The following PABPC1L variants were observed in gnomAD, a reference collection of about 807,000 sequenced individuals.
PABPC1L encodes polyadenylate-binding protein 1-like.
PABPC1L carries 31 observed loss-of-function variants against 66.6 expected under a neutral mutation model. The ratio of observed to expected loss-of-function variants is 0.47; its 90% CI spans 0.35 to 0.63. The LOEUF (loss-of-function observed/expected upper bound fraction) is 0.63, where lower values mean the gene tolerates loss of function less well. PABPC1L is among the 20% of genes least tolerant of loss of function. The pLI, the probability that PABPC1L is intolerant of heterozygous loss-of-function variation, is 0.00. For synonymous variants in PABPC1L, 348 were observed against 335.1 expected, an observed-to-expected ratio of 1.04 and a Z score of -0.42; for missense variants, 722 against 848.8, an observed-to-expected ratio of 0.85 and a Z score of 1.86.
chr20:44,911,832 T>C (rs770107836), intron 1 of PABPC1L, among the ~76,000 whole-genome samples: 1 of 152,150 alleles, frequency 6.6e-6, no homozygotes, highest in Non-Finnish European at 1.5e-5. Flanking sequence ...ATGATAAGAC[T>C]AGGTGGAGAA....
At position 44,939,302 on chromosome 20, in the gene PABPC1L, G is replaced by C; in HGVS notation, c.*183G>C. The C allele has an allele frequency of 1.4e-6, 1 of 693,322 alleles. No homozygotes were observed. The highest frequency in any genetic ancestry group is 2.7e-6 in the Non-Finnish European group (1 of 373,558). The allele number at this position is 693,322 out of a possible 1,614,324, so 42.9% of individuals were successfully genotyped here. On this transcript the variant is annotated 3_prime_UTR_variant, in exon 15 of 15. Coordinates refer to ENST00000217073, the MANE Select transcript of PABPC1L (RefSeq NM_001372179.1). The stretch of plus-strand genomic sequence containing the variant: ...TTACCTTTTGCTTTGTGTATTAAAA[G>C]TGCTGCAAAATCTGCCTTGCCTCCC...
intron 9 of PABPC1L, 66 bp downstream of exon 9, chr20:44,932,498 A>T: frequency 1.4e-6 from 2 of 1,425,572 alleles, no homozygotes; most frequent in Non-Finnish European, 1.9e-6. Flanking sequence ...AGGCAGTCAT[A>T]ACACAGGGAT....
intron 5 of PABPC1L, 82 bp downstream of exon 5, chr20:44,919,359 G>A: frequency 6.8e-7 from 1 of 1,470,496 alleles, no homozygotes; most frequent in African/African-American, 1.4e-5. Context: ...CCTGTGGAGG[G>A]GAAGAAAGTC....
chr20:44,932,081 G>T (rs2066864279), intron 8 of PABPC1L: 1 of 321,164 alleles, frequency 3.1e-6, no homozygotes, highest in Admixed American at 4.9e-5. Flanking sequence ...GTTGGAGTAA[G>T]ATGTCACCCT....
chr20:44,919,066 G>A (rs1474407966), intron 4 of PABPC1L, 21 bp downstream of exon 4: 7 of 1,610,802 alleles, frequency 4.3e-6, no homozygotes, highest in African/African-American at 1.3e-5. Context: ...CCCCAAGGGA[G>A]CGGGGGGATC....
intron 10 of PABPC1L, among the ~76,000 whole-genome samples, chr20:44,933,748 A>AT (rs749525367): frequency 0.12 from 14,738 of 119,442 alleles, 1,209 homozygotes; most frequent in African/African-American, 0.21. Flanking sequence ...CCCAGCCTTA[A>AT]TTTTTTTTTT....
Position 44,938,678 on chromosome 20 carries a change from A to G in PABPC1L, c.1796A>G (p.Asp599Gly), listed in dbSNP as rs750525873. The G allele has an allele frequency of 1.2e-6, 2 of 1,608,856 alleles. No individual in the cohort carries two copies. Among genetic ancestry groups the G allele is most frequent in the South Asian group, 1.1e-5 (1 of 89,662 alleles). ...CCCGCCACTCATGTCTCACAGATAG[A>G]CGAGGCAGTGGCCGTGCTGCAGGCA... Reference protein sequence around the residue: ...ESPESLHAKIDEAVAVLQAHQ... With the variant: ...ESPESLHAKIGEAVAVLQAHQ... Residue 599 changes from aspartate (D) to glycine (G), a missense_variant, in exon 14 of 15, where the codon GAC becomes GGC. Physicochemically the swap from Asp to Gly is moderately conservative, Grantham distance 94 (BLOSUM62 -1). This residue lies in a region of PABPC1L where 301 missense variants were observed against 337.2 expected (regional missense o/e 0.89). Transcript: ENST00000217073.
At chr20:44,931,025 C>T (rs1205867619) in intron 8 of PABPC1L, among the ~76,000 whole-genome samples, 438 of 40,586 alleles carry the variant, frequency 0.011, 10 homozygotes, top group African/African-American at 0.046. Context: ...TCCCTTCCCT[C>T]CCTTCCCTCC....
intron 6 of PABPC1L, among the ~76,000 whole-genome samples, chr20:44,923,723 G>A (rs2145566578): frequency 6.6e-6 from 1 of 152,300 alleles, no homozygotes; most frequent in African/African-American, 2.4e-5. Flanking sequence ...AGGTTCCTGG[G>A]CTGGCAGGGG....
chr20:44,937,904 C>G, intron 12 of PABPC1L, 157 bp from the exon 13 acceptor site: 1 of 986,928 alleles, frequency 1.0e-6, no homozygotes, highest in Non-Finnish European at 1.4e-6. Flanking sequence ...ATTAAAAGTA[C>G]CTGATGTTAG....
rs756360490 is a variant in PABPC1L at position 44,938,140 on chromosome 20, C to A, written c.1740C>A (p.Asp580Glu). 76 of 1,614,210 alleles carry A rather than the reference C, an allele frequency of 4.7e-5. 1 individual carries two copies. The highest frequency in any genetic ancestry group is 6.2e-5 in the Non-Finnish European group (73 of 1,180,038). ...TCACGGGCATGCTGCTGGAGATTGACAACTCAGAGCTGTTGCTCATGCTGG... is the reference window on the plus strand; with the variant it reads ...TCACGGGCATGCTGCTGGAGATTGAAAACTCAGAGCTGTTGCTCATGCTGG... ...GKITGMLLEIDNSELLLMLES... is the reference protein window; with the variant it reads ...GKITGMLLEIENSELLLMLES... The change falls in exon 13 of 15, where the codon GAC (aspartate) becomes GAA (glutamate). Residue 580 changes from aspartate to glutamate, a missense_variant. This residue lies in a region of PABPC1L where 301 missense variants were observed against 337.2 expected (regional missense o/e 0.89). Transcript: ENST00000217073.
At chr20:44,934,249 G>A (rs980634724) in intron 10 of PABPC1L, among the ~76,000 whole-genome samples, 4 of 152,220 alleles carry the variant, frequency 2.6e-5, no homozygotes, top group Non-Finnish European at 4.4e-5. Flanking sequence ...CTGCGTGAAC[G>A]AGGTATACTC....
intron 8 of PABPC1L, chr20:44,931,658 C>T (rs753449999): frequency 3.3e-5 from 5 of 151,666 alleles, no homozygotes; most frequent in Non-Finnish European, 7.4e-5. Flanking sequence ...CCACACTCAG[C>T]TAATTTTTTG....
intron 10 of PABPC1L, among the ~76,000 whole-genome samples, chr20:44,934,689 A>G (rs1422303433): frequency 6.6e-6 from 1 of 152,188 alleles, no homozygotes; most frequent in East Asian, 1.9e-4. Context: ...ATTCCATTGT[A>G]TGTATAGACC....
intron 10 of PABPC1L, among the ~76,000 whole-genome samples, chr20:44,935,007 G>T (rs1235335615): frequency 1.3e-5 from 2 of 151,724 alleles, no homozygotes; most frequent in African/African-American, 4.8e-5. Flanking sequence ...GGGGGAGGTT[G>T]CAGTGAGCCG....
intron 9 of PABPC1L, 97 bp from the exon 10 acceptor site, chr20:44,932,960 C>G (rs1236115122): frequency 1.4e-6 from 1 of 722,752 alleles, no homozygotes; most frequent in Admixed American, 2.6e-5. Flanking sequence ...TTCCCATTCT[C>G]TTGGTGGCCC....
At chr20:44,911,028 T>C (rs552962412) in intron 1 of PABPC1L, among the ~76,000 whole-genome samples, 31 of 152,298 alleles carry the variant, frequency 2.0e-4, no homozygotes, top group African/African-American at 6.7e-4. Flanking sequence ...ATCTGCAAAA[T>C]GGGGCTAAGG....
intron 1 of PABPC1L, among the ~76,000 whole-genome samples, chr20:44,911,877 C>T (rs1889513724): frequency 6.6e-6 from 1 of 152,160 alleles, no homozygotes. Flanking sequence ...ACTGTGTTCC[C>T]CACAGCCCCC....
chr20:44,923,520 T>G (rs1395256011), intron 6 of PABPC1L, among the ~76,000 whole-genome samples: 3 of 151,952 alleles, frequency 2.0e-5, no homozygotes. Flanking sequence ...TCCCAGCTAC[T>G]TGGGAGGCTG....
Sources: gnomAD v4.1 joint callset for allele counts (sites outside exome capture counted in the v4.1 genomes callset) on GRCh38, gnomAD v4.1.1 for gene constraint, gnomAD v4.1.1 regional missense constraint, MANE v1.5 for transcripts, NCBI Gene and HGNC (gene_info 2026-07-23, HGNC 2026-07-21) for gene names.